Variants in USP54 observed in about 807,000 individuals in gnomAD.
USP54 encodes the protein ubiquitin specific peptidase 54.
USP54 carries 87 observed loss-of-function variants against 170.5 expected under a neutral mutation model. The observed-to-expected ratio is 0.51, with a 90% CI of 0.43 to 0.61. The LOEUF (loss-of-function observed/expected upper bound fraction) is 0.61. Among genes scored for constraint, USP54 ranks in the 20% least tolerant of loss-of-function variants. The pLI, the probability that USP54 is intolerant of heterozygous loss-of-function variation, is 0.00. For missense variants in USP54, 1,786 were observed against 2,047.8 expected, an observed-to-expected ratio of 0.87 and a Z score of 2.47; for synonymous variants, 655 against 742.8, an observed-to-expected ratio of 0.88 and a Z score of 1.92.
At chr10:73,512,655 G>A (rs908355987) in intron 20 of USP54, among the ~76,000 whole-genome samples, 2 of 151,998 alleles carry the variant, frequency 1.3e-5, no homozygotes, top group Admixed American at 6.6e-5. Context: ...CAAGTAGCTG[G>A]GGTTACAGGC....
At chr10:73,595,885 G>A (rs751288503), upstream of USP54, among the ~76,000 whole-genome samples, 5 of 150,460 alleles carry the variant, frequency 3.3e-5, no homozygotes, top group Non-Finnish European at 7.4e-5. Flanking sequence ...CAAGGCAGGC[G>A]GATCTCTTGA....
intron 20 of USP54, among the ~76,000 whole-genome samples, chr10:73,514,462 T>TG (rs2133263868): frequency 6.6e-6 from 1 of 151,694 alleles, no homozygotes; most frequent in East Asian, 2.0e-4. Flanking sequence ...CTCGGGAGGC[T>TG]GAGGCAGGAG....
chr10:73,624,689 C>T (rs906733205), intron 1 of USP54: 1 of 152,136 alleles, frequency 6.6e-6, no homozygotes, highest in Non-Finnish European at 1.5e-5. Flanking sequence ...CCATTGTTTT[C>T]ACTACAAATA....
At chr10:73,519,140 CA>C (rs769300590) in intron 19 of USP54, 16,297 of 67,618 alleles carry the variant, frequency 0.24, 989 homozygotes, top group East Asian at 0.38. Context: ...ATCCTGTCTC[CA>C]AAAAAAAAAA....
chr10:73,541,616 C>T lies in USP54; in HGVS notation c.678+17G>A. Reference sequence around the variant, plus strand: ...GTTCCCTTTCCCACTCCAAACCCCACCCCTGATTTAACTCACTGGACAGTT... The same window carrying T: ...GTTCCCTTTCCCACTCCAAACCCCATCCCTGATTTAACTCACTGGACAGTT... On this transcript the variant is annotated intron_variant, in intron 8 of 23. Transcript: ENST00000687698. 6.2e-7 allele frequency: 1 copy of T among 1,613,978 alleles called. No individual in the cohort carries two copies. Among genetic ancestry groups the T allele is most frequent in the Non-Finnish European group, 8.5e-7 (1 of 1,179,888 alleles).
intron 3 of USP54, among the ~76,000 whole-genome samples, chr10:73,571,900 G>C (rs1201131157): frequency 6.6e-6 from 1 of 152,186 alleles, no homozygotes; most frequent in Admixed American, 6.5e-5. Flanking sequence ...AGAAATGTGA[G>C]CTGTAGTGTG....
intron 1 of USP54, among the ~76,000 whole-genome samples, chr10:73,588,703 T>C (rs527998134): frequency 6.6e-6 from 1 of 152,366 alleles, no homozygotes; most frequent in African/African-American, 2.4e-5. Flanking sequence ...ACTCTGGCTT[T>C]GAATGGCCTT....
chr10:73,548,098 G>T (rs1255545838), intron 4 of USP54, among the ~76,000 whole-genome samples: 4 of 151,918 alleles, frequency 2.6e-5, no homozygotes, highest in Admixed American at 2.0e-4. Context: ...CTCAAAAGAA[G>T]ACATTTATGC....
intron 19 of USP54, 53 bp downstream of exon 19, chr10:73,519,744 A>G (rs570885123): frequency 6.2e-7 from 1 of 1,609,558 alleles, no homozygotes; most frequent in South Asian, 1.1e-5. Context: ...CAGAATACTC[A>G]TGGTCATTTC....
chr10:73,523,658 T>C lies in USP54; in HGVS notation c.2287A>G (p.Lys763Glu), dbSNP rs373460781. The change falls in exon 17 of 24, where the codon AAG becomes GAG. Residue 763 changes from lysine to glutamate, a missense_variant. Physicochemically the swap from Lys to Glu is moderately conservative, Grantham distance 56 (BLOSUM62 1). Coordinates refer to ENST00000687698, the MANE Select transcript of USP54 (RefSeq NM_001391956.1). ...AACCCTTTCGCTGCCTCTAACTCCT[T>C]CTCCCGTTTTCTTCGAAGTTCCTGT... ...QEQELRRKRE[K>E]ELEAAKGFNP... The C allele has an allele frequency of 2.5e-5, 41 of 1,613,496 alleles. No individual in the cohort carries two copies. Among genetic ancestry groups the C allele is most frequent in the Non-Finnish European group, 3.5e-5 (41 of 1,179,688 alleles).
intron 4 of USP54, 58 bp downstream of exon 4, chr10:73,571,363 G>T: frequency 7.0e-7 from 1 of 1,430,820 alleles, no homozygotes; most frequent in Non-Finnish European, 9.8e-7. Context: ...AAACCACCTT[G>T]ATATTGACCA....
intron 1 of USP54, among the ~76,000 whole-genome samples, chr10:73,582,745 T>G (rs1213185212): frequency 2.0e-5 from 3 of 152,156 alleles, no homozygotes; most frequent in Non-Finnish European, 2.9e-5. Flanking sequence ...GTAACTAAAG[T>G]TCAATAAAGT....
intron 1 of USP54, among the ~76,000 whole-genome samples, chr10:73,615,905 C>CAA (rs1170081483): frequency 0.087 from 3,489 of 40,072 alleles, 112 homozygotes; most frequent in East Asian, 0.2. Flanking sequence ...AGATCAGTCT[C>CAA]AAAAAAAAAA....
chr10:73,499,071 G>T lies in USP54; in HGVS notation c.4613C>A (p.Thr1538Lys). ...TGACCAGGGTGCCCAGGAGTTGTCT[G>T]TTCTGGAGCGATGGGGGAGGCTCTG... ...NYQSLPHRSR[T>K]DNSWAPWSET... Residue 1538 changes from threonine (T) to lysine (K), a missense_variant, in exon 24 of 24, where the codon ACA becomes AAA. Thr to Lys is a moderately conservative substitution (Grantham distance 78). Around this residue, in one of 3 missense-constraint regions of USP54, gnomAD observed 1,418 missense variants for 1,569.0 expected, o/e 0.90. Transcript: ENST00000687698. 6.2e-7 allele frequency: 1 copy of T among 1,614,166 alleles called. No individual in the cohort carries two copies. Among genetic ancestry groups the T allele is most frequent in the Non-Finnish European group, 8.5e-7 (1 of 1,180,038 alleles).
intron 1 of USP54, among the ~76,000 whole-genome samples, chr10:73,602,162 A>T (rs775075914): frequency 6.6e-6 from 1 of 152,196 alleles, no homozygotes; most frequent in African/African-American, 2.4e-5. Flanking sequence ...CAGTTTTACT[A>T]CCTCTAAGAA....
intron 1 of USP54, among the ~76,000 whole-genome samples, chr10:73,611,935 C>T (rs2080180033): frequency 6.6e-6 from 1 of 151,874 alleles, no homozygotes; most frequent in African/African-American, 2.4e-5. Flanking sequence ...ACAGTGACAA[C>T]TCATCTCTAC....
intron 5 of USP54, among the ~76,000 whole-genome samples, chr10:73,544,974 A>G (rs567400721): frequency 1.3e-4 from 20 of 152,206 alleles, no homozygotes; most frequent in Admixed American, 1.2e-3. Context: ...GGCCTCCCAA[A>G]GTGCTGAGAT....
intron 18 of USP54, 116 bp downstream of exon 18, chr10:73,520,792 G>A: frequency 6.9e-7 from 1 of 1,446,996 alleles, no homozygotes; most frequent in Non-Finnish European, 9.4e-7. Flanking sequence ...CAGTTTGGGA[G>A]AGCAAGAGTG....
At chr10:73,539,305 A>T (rs991882851) in intron 10 of USP54, 139 bp downstream of exon 10, 232 of 335,816 alleles carry the variant, frequency 6.9e-4, no homozygotes, top group African/African-American at 2.1e-3. Context: ...AAAAAAAAAA[A>T]AAATATATAT....
Sources: allele counts gnomAD v4.1 joint callset (sites outside exome capture counted in the v4.1 genomes callset), GRCh38; gene constraint gnomAD v4.1.1; regional missense constraint gnomAD v4.1.1; transcripts MANE v1.5; gene names NCBI Gene and HGNC (gene_info 2026-07-23, HGNC 2026-07-21).